Variants in PTPRN2 observed in about 807,000 individuals in gnomAD.
PTPRN2 encodes the protein receptor-type tyrosine-protein phosphatase N2.
In PTPRN2, 74 loss-of-function variants were observed where a neutral mutation model predicts 118.8. That is an observed-to-expected ratio of 0.62 (90% confidence interval 0.52 to 0.76). The LOEUF (loss-of-function observed/expected upper bound fraction) is 0.76. PTPRN2 is among the 30% of genes least tolerant of loss of function. PTPRN2 has a pLI of 0.00. For synonymous variants in PTPRN2, 641 were observed against 608.0 expected, an observed-to-expected ratio of 1.05 and a Z score of -0.80; for missense variants, 1,481 against 1,394.4, an observed-to-expected ratio of 1.06 and a Z score of -0.99.
intron 11 of PTPRN2, among the ~76,000 whole-genome samples, chr7:158,023,190 A>G (rs1585219913): frequency 6.6e-6 from 1 of 152,222 alleles, no homozygotes; most frequent in South Asian, 2.1e-4. Context: ...GTCGACAAGG[A>G]GTAGCCAGAA....
intron 3 of PTPRN2, among the ~76,000 whole-genome samples, chr7:158,298,280 G>A (rs184422009): frequency 3.1e-3 from 469 of 151,814 alleles, no homozygotes; most frequent in African/African-American, 0.011. Flanking sequence ...TGCTTTGTTC[G>A]TCCTTTTATT....
At chr7:158,207,207 A>C (rs376773515) in intron 3 of PTPRN2, among the ~76,000 whole-genome samples, 1 of 141,258 alleles carries the variant, frequency 7.1e-6, no homozygotes, top group South Asian at 2.4e-4. Context: ...CCGGTCTATC[A>C]TTGTTGGACA....
chr7:158,235,271 A>G (rs1829457555), intron 3 of PTPRN2, among the ~76,000 whole-genome samples: 2 of 152,260 alleles, frequency 1.3e-5, no homozygotes, highest in Admixed American at 6.5e-5. Flanking sequence ...GGAAATCAAT[A>G]TATCAAAGAG....
At chr7:157,984,981 C>T (rs78281080) in intron 11 of PTPRN2, among the ~76,000 whole-genome samples, 2 of 152,098 alleles carry the variant, frequency 1.3e-5, no homozygotes, top group South Asian at 2.1e-4. Context: ...CCTGGCTGAG[C>T]GCCCACACTT....
rs886726636 is a variant in PTPRN2, at chr7:157,627,695, C to T, written c.2197-6186G>A. ...GGTGTCTCCAACCTTCTCAAATTCT[C>T]ATACTTCCTGAGGGCCTAGACATGA... On this transcript the variant is annotated intron_variant, in intron 14 of 22. Coordinates refer to ENST00000389418, the MANE Select transcript of PTPRN2 (RefSeq NM_002847.5). The surrounding 1 kb of genome is among the most constrained non-coding windows in gnomAD (Gnocchi z 4.2). Among the ~76,000 whole-genome samples, 1 of 152,174 alleles carries T rather than the reference C, an allele frequency of 6.6e-6. No homozygotes were observed. Among genetic ancestry groups the T allele is most frequent in the Non-Finnish European group, 1.5e-5 (1 of 68,030 alleles).
chr7:158,465,160 G>T (rs1417341748), intron 2 of PTPRN2, among the ~76,000 whole-genome samples: 1 of 152,178 alleles, frequency 6.6e-6, no homozygotes, highest in Non-Finnish European at 1.5e-5. Context: ...CTTGTATGTG[G>T]AGATACTAAG....
At chr7:158,107,018 A>G (rs867014928) in intron 10 of PTPRN2, among the ~76,000 whole-genome samples, 2 of 152,076 alleles carry the variant, frequency 1.3e-5, no homozygotes, top group South Asian at 4.1e-4. Context: ...TTTCTTCCCT[A>G]GGAACCCAAA....
chr7:158,149,037 C>G (rs1475982226), intron 6 of PTPRN2, among the ~76,000 whole-genome samples: 3 of 136,770 alleles, frequency 2.2e-5, no homozygotes, highest in South Asian at 2.4e-4. Flanking sequence ...CGTGTCTTTC[C>G]CTCTCACTGA....
At chr7:158,557,473 A>G (rs1827119364) in intron 1 of PTPRN2, among the ~76,000 whole-genome samples, 1 of 152,234 alleles carries the variant, frequency 6.6e-6, no homozygotes, top group Non-Finnish European at 1.5e-5. Context: ...ACCTGGTGCC[A>G]TGGTCCACTC....
At chr7:158,262,631 A>T (rs1797533449) in intron 3 of PTPRN2, among the ~76,000 whole-genome samples, 2 of 149,236 alleles carry the variant, frequency 1.3e-5, no homozygotes, top group Admixed American at 6.7e-5. Context: ...ATACATTCAC[A>T]CTGCAAACAT....
Position 158,133,963 on chromosome 7 carries a change from C to T in PTPRN2, c.1270G>A (p.Glu424Lys). Reference protein sequence around the residue: ...ALPFARPLDMERKKSEHPESS... With the variant: ...ALPFARPLDMKRKKSEHPESS... Reference sequence around the variant, plus strand: ...TCAGGGTGCTCGGACTTCTTCCTCTCCATGTCGAGGGGCCTTGCAAAGGGG... The same window carrying T: ...TCAGGGTGCTCGGACTTCTTCCTCTTCATGTCGAGGGGCCTTGCAAAGGGG... Residue 424 changes from glutamate to lysine, a missense_variant, in exon 9 of 23, where the codon GAG becomes AAG. This residue lies in a region of PTPRN2 where 1,115 missense variants were observed against 994.2 expected (regional missense o/e 1.12). Transcript: ENST00000389418. 6.2e-7 allele frequency: 1 copy of T among 1,614,050 alleles called. No homozygotes were observed.
intron 5 of PTPRN2, among the ~76,000 whole-genome samples, chr7:158,168,607 G>A (rs1823246776): frequency 6.6e-6 from 1 of 152,218 alleles, no homozygotes; most frequent in African/African-American, 2.4e-5. Flanking sequence ...TTTGCTGCCT[G>A]CTCTTTTAAC....
At chr7:158,169,444 G>GTGTA (rs1417584244) in intron 5 of PTPRN2, among the ~76,000 whole-genome samples, 1 of 151,140 alleles carries the variant, frequency 6.6e-6, no homozygotes, top group Non-Finnish European at 1.5e-5. Flanking sequence ...GTGTGTGTGT[G>GTGTA]TGTGTGTGTG....
intron 11 of PTPRN2, among the ~76,000 whole-genome samples, chr7:158,065,814 G>A (rs911467308): frequency 6.6e-6 from 1 of 152,182 alleles, no homozygotes; most frequent in South Asian, 2.1e-4. Flanking sequence ...GAGAAATTGC[G>A]TATTTAAAAT....
At chr7:157,959,411 A>G (rs1801381663) in intron 11 of PTPRN2, among the ~76,000 whole-genome samples, 1 of 152,262 alleles carries the variant, frequency 6.6e-6, no homozygotes, top group Admixed American at 6.5e-5. Context: ...AAAAAACATT[A>G]TCTAAACAGT....
intron 11 of PTPRN2, among the ~76,000 whole-genome samples, chr7:157,976,919 A>G (rs974603635): frequency 7.9e-5 from 12 of 151,918 alleles, no homozygotes; most frequent in African/African-American, 2.7e-4. Flanking sequence ...AGCCAGGCAT[A>G]GTGGAAGAGA....
intron 3 of PTPRN2, among the ~76,000 whole-genome samples, chr7:158,271,973 G>A (rs1178282477): frequency 6.6e-6 from 1 of 152,184 alleles, no homozygotes; most frequent in Non-Finnish European, 1.5e-5. Flanking sequence ...TGACTAATAA[G>A]TAATTTGTAC....
In PTPRN2 at chr7:158,509,792, A is replaced by C. The variant is rs1041042057; in HGVS notation, c.113-20007T>G. ...GAGTGGCAGTGGAGGGCTGGCATGC[A>C]CACAGAGGATGGTGACTTGCAGTGC... On this transcript the variant is annotated intron_variant, in intron 1 of 22. Transcript: ENST00000389418. This position sits in a 1 kb window ranked among gnomAD's most constrained non-coding sequence, Gnocchi z 4.4. Among the ~76,000 whole-genome samples, 5 of 152,194 alleles carry C rather than the reference A, an allele frequency of 3.3e-5. No homozygotes were observed. The highest frequency in any genetic ancestry group is 1.2e-4 in the African/African-American group (5 of 41,454).
chr7:157,809,478 G>A (rs1321236252), intron 12 of PTPRN2, among the ~76,000 whole-genome samples: 2 of 152,222 alleles, frequency 1.3e-5, no homozygotes, highest in Non-Finnish European at 2.9e-5. Context: ...ACTGTGGCGA[G>A]CAGAACCGTT....
Sources: allele counts gnomAD v4.1 joint callset (sites outside exome capture counted in the v4.1 genomes callset), GRCh38; gene constraint gnomAD v4.1.1; regional missense constraint gnomAD v4.1.1; non-coding constraint Gnocchi (gnomAD v3.1); transcripts MANE v1.5; gene names NCBI Gene and HGNC (gene_info 2026-07-23, HGNC 2026-07-21).